The following WWOX variants were observed in gnomAD, a reference collection of about 807,000 sequenced individuals.
The protein encoded by WWOX is WW domain-containing oxidoreductase.
Under a neutral mutation model 46.2 loss-of-function variants are expected in WWOX, and 69 were observed. The observed-to-expected ratio is 1.49, with a 90% CI of 1.23 to 1.82. The LOEUF (loss-of-function observed/expected upper bound fraction) is 1.82, where lower values mean the gene tolerates loss of function less well. Ranked by LOEUF, WWOX falls within the 40% of genes most tolerant of loss-of-function variation. The pLI is 0.00. For missense variants in WWOX, 919 were observed against 542.6 expected (o/e 1.69, Z -6.89); for synonymous variants, 359 against 202.6 (o/e 1.77, Z -6.56).
intron 8 of WWOX, among the ~76,000 whole-genome samples, chr16:78,662,741 G>A (rs988748036): frequency 1.3e-5 from 2 of 152,142 alleles, no homozygotes; most frequent in Admixed American, 6.5e-5. Flanking sequence ...GGCTGGATTC[G>A]GGAAGGATCC....
intron 5 of WWOX, among the ~76,000 whole-genome samples, chr16:78,327,918 C>T (rs552529558): frequency 7.3e-5 from 10 of 137,004 alleles, no homozygotes; most frequent in Non-Finnish European, 1.4e-4. Flanking sequence ...CTTCTGTTGC[C>T]CAGGCTGGAG....
At chr16:78,769,496 T>G (rs376176708) in intron 8 of WWOX, among the ~76,000 whole-genome samples, 2 of 151,906 alleles carry the variant, frequency 1.3e-5, no homozygotes, top group African/African-American at 2.4e-5. Flanking sequence ...AAATGGGTAA[T>G]TAACAAATGT....
At chr16:78,834,772 A>C (rs2051930196) in intron 8 of WWOX, among the ~76,000 whole-genome samples, 1 of 152,232 alleles carries the variant, frequency 6.6e-6, no homozygotes, top group African/African-American at 2.4e-5. Context: ...GATGTTGCGT[A>C]TGTCAAATCA....
intron 5 of WWOX, among the ~76,000 whole-genome samples, chr16:78,334,935 AAAAG>A (rs1480071594): frequency 1.1e-4 from 14 of 128,934 alleles, no homozygotes; most frequent in South Asian, 5.0e-4. Context: ...AAAAAAAAAA[AAAAG>A]GCAGCAAAAT....
At chr16:78,537,919 C>G (rs1272102425) in intron 8 of WWOX, among the ~76,000 whole-genome samples, 4 of 152,108 alleles carry the variant, frequency 2.6e-5, no homozygotes, top group African/African-American at 4.8e-5. Flanking sequence ...AGCTGCTTTT[C>G]ACCTTACAGC....
intron 8 of WWOX, among the ~76,000 whole-genome samples, chr16:79,012,675 C>T (rs2151377850): frequency 6.6e-6 from 1 of 152,312 alleles, no homozygotes; most frequent in South Asian, 2.1e-4. Flanking sequence ...AATATCCAGG[C>T]AGAATGAATA....
Position 78,412,549 on chromosome 16 carries a change from G to C in WWOX, c.606-12321G>C, listed in dbSNP as rs565231200. The stretch of plus-strand genomic sequence containing the variant: ...ATGGAACAATGGGCAAAAGAGGAAG[G>C]GTTGGAGGAGACAAAAAATGGAGTG... On this transcript the variant is annotated intron_variant, in intron 6 of 8. Coordinates refer to ENST00000566780, the MANE Select transcript of WWOX (RefSeq NM_016373.4). Among the ~76,000 whole-genome samples, 23 of 152,312 alleles carry C rather than the reference G, an allele frequency of 1.5e-4. No homozygotes were observed. The South Asian group carries it at 3.7e-3, about 25-fold the overall frequency.
chr16:78,935,840 T>A (rs2045725736), intron 8 of WWOX, among the ~76,000 whole-genome samples: 1 of 151,472 alleles, frequency 6.6e-6, no homozygotes. Flanking sequence ...TCAGCTCAGG[T>A]GGTAGAGGCT....
At chr16:78,352,655 C>A (rs1351931568) in intron 5 of WWOX, among the ~76,000 whole-genome samples, 1 of 152,202 alleles carries the variant, frequency 6.6e-6, no homozygotes, top group Admixed American at 6.5e-5. Context: ...AATCTTAATG[C>A]CATCTACAAC....
chr16:78,225,449 T>TAA (rs2037018842), intron 5 of WWOX, among the ~76,000 whole-genome samples: 1 of 152,244 alleles, frequency 6.6e-6, no homozygotes, highest in African/African-American at 2.4e-5. Flanking sequence ...CTTTTAATTT[T>TAA]AATTCTATTG....
chr16:79,134,650 T>C (rs1339117608), intron 8 of WWOX, among the ~76,000 whole-genome samples: 1 of 152,124 alleles, frequency 6.6e-6, no homozygotes, highest in African/African-American at 2.4e-5. Context: ...CAGAAACATA[T>C]ACACATTTAG....
At chr16:78,975,339 C>T (rs1380749549) in intron 8 of WWOX, among the ~76,000 whole-genome samples, 2 of 151,984 alleles carry the variant, frequency 1.3e-5, no homozygotes, top group East Asian at 3.9e-4. Context: ...GGGGTAGAGG[C>T]CGGGGATAGT....
chr16:78,830,894 G>C (rs925238049), intron 8 of WWOX, among the ~76,000 whole-genome samples: 2 of 152,076 alleles, frequency 1.3e-5, no homozygotes, highest in South Asian at 2.1e-4. Context: ...ATAGCCATCA[G>C]GTCAGGTGCG....
intron 8 of WWOX, among the ~76,000 whole-genome samples, chr16:78,823,444 C>A (rs913818661): frequency 6.6e-6 from 1 of 152,168 alleles, no homozygotes; most frequent in African/African-American, 2.4e-5. Context: ...AAGTCATCAT[C>A]GCTTATCATC....
chr16:78,108,551 G>C (rs1049780340), intron 2 of WWOX, 64 bp downstream of exon 2: 47 of 1,551,344 alleles, frequency 3.0e-5, no homozygotes, highest in Non-Finnish European at 3.9e-5. Context: ...AATGTCACTG[G>C]CAGAGAGGTG....
Position 78,540,020 on chromosome 16 carries a change from T to TCTCTCTCACA in WWOX, c.1056+107269_1056+107270insTCTCTCACAC, listed in dbSNP as rs369075883. On this transcript the variant is annotated intron_variant, in intron 8 of 8. Transcript: ENST00000566780. ...CTTTCTCTCTCTCTCTCTCTCTCTC[T>TCTCTCTCACA]CACACACACACACACACACACACAC... Among the ~76,000 whole-genome samples the TCTCTCTCACA allele has an allele frequency of 3.0e-5, 4 of 132,924 alleles. No individual in the cohort carries two copies. The South Asian group carries it at 9.7e-4, about 32-fold the overall frequency. The allele number at this position is 132,924 out of a possible 152,430, so 87.2% of individuals were successfully genotyped here.
At chr16:78,235,794 T>C (rs2037417803) in intron 5 of WWOX, among the ~76,000 whole-genome samples, 1 of 152,104 alleles carries the variant, frequency 6.6e-6, no homozygotes, top group Non-Finnish European at 1.5e-5. Flanking sequence ...GGGAAGGAAG[T>C]CACAGAGCCA....
chr16:78,703,413 C>G (rs150989935), intron 8 of WWOX, among the ~76,000 whole-genome samples: 3 of 151,862 alleles, frequency 2.0e-5, no homozygotes, highest in Non-Finnish European at 4.4e-5. Context: ...CTCAGGAGTT[C>G]AAGACCAGTG....
intron 8 of WWOX, among the ~76,000 whole-genome samples, chr16:78,928,586 G>A (rs946756693): frequency 2.0e-5 from 3 of 152,030 alleles, no homozygotes; most frequent in Non-Finnish European, 4.4e-5. Flanking sequence ...TTGGGGGCCT[G>A]TTAAAATAGT....
Sources: gnomAD v4.1 joint callset for allele counts (sites outside exome capture counted in the v4.1 genomes callset) on GRCh38, gnomAD v4.1.1 for gene constraint, MANE v1.5 for transcripts, NCBI Gene and HGNC (gene_info 2026-07-23, HGNC 2026-07-21) for gene names.